The following DOT1L variants were observed in gnomAD, a reference collection of about 807,000 sequenced individuals.
DOT1L encodes the protein DOT1 like histone lysine methyltransferase.
Under a neutral mutation model 153.3 loss-of-function variants are expected in DOT1L, and 33 were observed. The observed-to-expected ratio is 0.22, with a 90% CI of 0.16 to 0.29. The LOEUF (loss-of-function observed/expected upper bound fraction) is 0.29, where lower values mean the gene tolerates loss of function less well. DOT1L is among the 10% of genes least tolerant of loss of function. The pLI is 1.00. For missense variants in DOT1L, 1,847 were observed against 2,119.9 expected (o/e 0.87, Z 2.53); for synonymous variants, 1,135 against 965.1 (o/e 1.18, Z -3.26).
In DOT1L at chr19:2,228,296, C is replaced by T. The variant is rs757151274; in HGVS notation, c.4606+1169C>T. The T allele has an allele frequency of 8.9e-6, 12 of 1,351,112 alleles. No homozygotes were observed. The East Asian group carries it at 1.4e-4, about 16-fold the overall frequency. 83.7% of individuals were successfully genotyped at this position (1,351,112 alleles called of 1,614,324 possible). On this transcript the variant is annotated intron_variant, in intron 27 of 27. Coordinates refer to ENST00000398665, the MANE Select transcript of DOT1L (RefSeq NM_032482.3). Reference sequence around the variant, plus strand: ...GGCCGTCCGCGGTGTGGGTGTCCCTCGGCATGCCGCCTCCCTATGCCGCGC... The same window carrying T: ...GGCCGTCCGCGGTGTGGGTGTCCCTTGGCATGCCGCCTCCCTATGCCGCGC...
rs894102115 is a variant in DOT1L at position 2,231,918 on chromosome 19, A to G, written c.*2126A>G. ...TCTCAGAGCCACTGGCCCAGGCAGAAGTCTCCTTGAGCCCACTGGGTCATA... is the reference window on the plus strand; with the variant it reads ...TCTCAGAGCCACTGGCCCAGGCAGAGGTCTCCTTGAGCCCACTGGGTCATA... On this transcript the variant is annotated 3_prime_UTR_variant, in exon 28 of 28. Transcript: ENST00000398665. The G allele has an allele frequency of 4.6e-6, 1 of 217,412 alleles. No individual in the cohort carries two copies. Among genetic ancestry groups the G allele is most frequent in the African/African-American group, 2.3e-5 (1 of 44,366 alleles). 13.5% of individuals were successfully genotyped at this position (217,412 alleles called of 1,614,324 possible).
At chr19:2,212,918 A>G (rs2023764887) in intron 16 of DOT1L, 1 of 152,018 alleles carries the variant, frequency 6.6e-6, no homozygotes, top group African/African-American at 2.4e-5. Flanking sequence ...CCCAGAGATA[A>G]CTCCAAAAGC....
chr19:2,168,378 G>A (rs577724823), intron 1 of DOT1L, among the ~76,000 whole-genome samples: 2 of 152,306 alleles, frequency 1.3e-5, no homozygotes, highest in South Asian at 4.1e-4. Flanking sequence ...TGAGTACAAG[G>A]TCAGCTGAGG....
In DOT1L at chr19:2,213,622, T is replaced by C. The variant is rs772701533; in HGVS notation, c.1641T>C (p.Phe547=). 3.1e-6 allele frequency: 5 copies of C among 1,613,670 alleles called. No homozygotes were observed. The highest frequency in any genetic ancestry group is 2.2e-5 in the South Asian group (2 of 91,082). ...QAQKEEIRRL[F]QQKLDELGVK... is the part of the protein sequence containing the mutation. ...AGAAGGAGGAGATCAGGAGGCTGTT[T>C]CAGCAAAAATTGGATGAGGTAGTGG... Residue 547 remains phenylalanine (F), a synonymous_variant, in exon 17 of 28, where the codon TTT becomes TTC. Transcript: ENST00000398665.
In DOT1L at chr19:2,163,944, T is replaced by C. The variant is rs2019808233; in HGVS notation, c.-241T>C. Among the ~76,000 whole-genome samples the C allele has an allele frequency of 6.7e-6, 1 of 149,590 alleles. No individual in the cohort carries two copies. The highest frequency in any genetic ancestry group is 1.5e-5 in the Non-Finnish European group (1 of 66,930). On this transcript the variant is annotated 5_prime_UTR_variant, in exon 1 of 28. Transcript: ENST00000398665. Reference sequence around the variant, plus strand: ...CCGGCCCCCGGCTCATTGTGCTCGCTTCACGCCGGCCCAAGATGGCGGAGG... The same window carrying C: ...CCGGCCCCCGGCTCATTGTGCTCGCCTCACGCCGGCCCAAGATGGCGGAGG...
At chr19:2,200,364 G>A (rs2023201664) in intron 8 of DOT1L, among the ~76,000 whole-genome samples, 1 of 152,190 alleles carries the variant, frequency 6.6e-6, no homozygotes. Flanking sequence ...GGTCCCAAAA[G>A]CCATCTCTGC....
intron 1 of DOT1L, among the ~76,000 whole-genome samples, chr19:2,167,060 G>C (rs765219488): frequency 3.9e-5 from 6 of 152,170 alleles, no homozygotes; most frequent in Non-Finnish European, 5.9e-5. Context: ...TAAATCCATT[G>C]GACAGTTGGG....
At chr19:2,200,024 C>T in intron 8 of DOT1L, 85 bp downstream of exon 8, 3 of 1,520,612 alleles carry the variant, frequency 2.0e-6, no homozygotes, top group South Asian at 1.2e-5. Flanking sequence ...CCGGGAGCGG[C>T]CCCTCGCTCC....
At chr19:2,172,717 C>T (rs1269681777) in intron 1 of DOT1L, among the ~76,000 whole-genome samples, 1 of 151,962 alleles carries the variant, frequency 6.6e-6, no homozygotes, top group East Asian at 1.9e-4. Flanking sequence ...GTTAATCAGG[C>T]TGGTCTCAAA....
In DOT1L at chr19:2,232,135, C is replaced by T. The variant is rs372577123; in HGVS notation, c.*2343C>T. 4.8e-4 allele frequency: 95 copies of T among 198,842 alleles called. No homozygotes were observed. Among genetic ancestry groups the T allele is most frequent in the African/African-American group, 2.2e-3 (94 of 43,126 alleles). The allele number at this position is 198,842 out of a possible 1,614,324, so 12.3% of individuals were successfully genotyped here. A position where few individuals can be genotyped will look rare whatever the true frequency, so the allele number is the denominator to read the frequency against. On this transcript the variant is annotated 3_prime_UTR_variant, in exon 28 of 28. Coordinates refer to ENST00000398665, the MANE Select transcript of DOT1L (RefSeq NM_032482.3). ...GGCCTGAGTTTCCGTGGGCAGCTGG[C>T]GGGGACCTGTGCTGCTGCTGCTGAC... is the stretch of plus-strand genomic sequence containing the variant.
Position 2,222,633 on chromosome 19 carries a change from G to A in DOT1L, c.3390+74G>A, listed in dbSNP as rs1315919864. The A allele has an allele frequency of 2.2e-6, 3 of 1,384,618 alleles. No homozygotes were observed. Among genetic ancestry groups the A allele is most frequent in the Admixed American group, 5.4e-5 (2 of 36,954 alleles). 85.8% of individuals were successfully genotyped at this position (1,384,618 alleles called of 1,614,324 possible). On this transcript the variant is annotated intron_variant, in intron 24 of 27. Coordinates refer to ENST00000398665, the MANE Select transcript of DOT1L (RefSeq NM_032482.3). This position sits in a 1 kb window ranked among gnomAD's most constrained non-coding sequence, Gnocchi z 6.5. Reference sequence around the variant, plus strand: ...GACCAGAGGGAGACCGGGCGCGGTGGCTCACGCCTGTAATCCCAGCATTTT... The same window carrying A: ...GACCAGAGGGAGACCGGGCGCGGTGACTCACGCCTGTAATCCCAGCATTTT...
chr19:2,181,267 G>C (rs929000756), intron 2 of DOT1L, among the ~76,000 whole-genome samples: 11 of 152,228 alleles, frequency 7.2e-5, no homozygotes, highest in African/African-American at 2.2e-4. Flanking sequence ...CCGGCATTCT[G>C]CGTGTCTCAG....
chr19:2,219,913 C>T (rs1042422993), intron 22 of DOT1L, among the ~76,000 whole-genome samples, 195 bp from the exon 23 acceptor site: 5 of 152,180 alleles, frequency 3.3e-5, no homozygotes, highest in East Asian at 1.9e-4. Context: ...ACGCAGGCAC[C>T]GCGCACTCTC....
intron 1 of DOT1L, among the ~76,000 whole-genome samples, chr19:2,178,089 A>ATT (rs879901295): frequency 3.0e-4 from 43 of 141,852 alleles, no homozygotes; most frequent in African/African-American, 1.1e-3. Flanking sequence ...TGCCCAGCTA[A>ATT]TTTTTTTTTT....
At chr19:2,227,823 C>A in intron 27 of DOT1L, 1 of 1,298,628 alleles carries the variant, frequency 7.7e-7, no homozygotes, top group South Asian at 1.2e-5. Context: ...CAGCGCCACA[C>A]TGGGCCCGAG....
Position 2,217,341 on chromosome 19 carries a change from G to A in DOT1L, c.2544+251G>A, listed in dbSNP as rs898919918. Among the ~76,000 whole-genome samples, 1 of 152,142 alleles carries A rather than the reference G, an allele frequency of 6.6e-6. No homozygotes were observed. The highest frequency in any genetic ancestry group is 2.4e-5 in the African/African-American group (1 of 41,418). On this transcript the variant is annotated intron_variant, in intron 21 of 27. Transcript: ENST00000398665. This position sits in a 1 kb window ranked among gnomAD's most constrained non-coding sequence, Gnocchi z 7.3. ...CTGATGCCTCTTAGTTCTCAGTGAC[G>A]GACGGCAAGTGCTGGTAGAGACACA...
At chr19:2,188,262 T>G (rs1418739817) in intron 3 of DOT1L, 1 of 151,672 alleles carries the variant, frequency 6.6e-6, no homozygotes, top group East Asian at 1.9e-4. Flanking sequence ...GAAGGGGAAG[T>G]GTGAACCTCG....
chr19:2,209,533 C>A (rs769677629), intron 12 of DOT1L, among the ~76,000 whole-genome samples: 1 of 152,220 alleles, frequency 6.6e-6, no homozygotes. Context: ...TCCTGGGCCC[C>A]CGCGCCCTGC....
chr19:2,225,176 G>A (rs547306588), intron 25 of DOT1L, among the ~76,000 whole-genome samples: 1 of 152,292 alleles, frequency 6.6e-6, no homozygotes, highest in South Asian at 2.1e-4. Context: ...GTCCCTGCCA[G>A]GACAGTACCC....
Sources: allele counts gnomAD v4.1 joint callset (sites outside exome capture counted in the v4.1 genomes callset), GRCh38; gene constraint gnomAD v4.1.1; non-coding constraint Gnocchi (gnomAD v3.1); transcripts MANE v1.5; gene names NCBI Gene and HGNC (gene_info 2026-07-23, HGNC 2026-07-21).